Variants in PTCHD4 observed in about 807,000 individuals in gnomAD.
The protein encoded by PTCHD4 is patched domain containing 4, also known as patched domain-containing protein 4.
Under a neutral mutation model 58.1 loss-of-function variants are expected in PTCHD4, and 33 were observed. That is an observed-to-expected ratio of 0.57 (90% CI 0.43 to 0.76). The LOEUF is 0.76. Among genes scored for constraint, PTCHD4 ranks in the 30% least tolerant of loss-of-function variants. PTCHD4 has a pLI of 0.00. For synonymous variants in PTCHD4, 478 were observed against 409.6 expected (o/e 1.17, Z -2.02); for missense variants, 1,058 against 1,027.1 (o/e 1.03, Z -0.41).
chr6:48,025,908 T>C (rs546159533), intron 3 of PTCHD4, among the ~76,000 whole-genome samples: 1 of 152,100 alleles, frequency 6.6e-6, no homozygotes, highest in South Asian at 2.1e-4. Flanking sequence ...GGCTACTCAA[T>C]TGGAAAAATA....
At chr6:47,999,261 A>G (rs1195503628) in intron 4 of PTCHD4, among the ~76,000 whole-genome samples, 3 of 152,218 alleles carry the variant, frequency 2.0e-5, no homozygotes, top group African/African-American at 7.2e-5. Flanking sequence ...CTGGACTCCA[A>G]GTCGTCTGAC....
chr6:48,001,572 G>C (rs915723201), intron 4 of PTCHD4, among the ~76,000 whole-genome samples: 6 of 152,098 alleles, frequency 3.9e-5, no homozygotes, highest in South Asian at 4.1e-4. Flanking sequence ...AAAGCTGAAA[G>C]TGGATCCCTT....
chr6:47,946,054 A>G (rs1201907196), intron 4 of PTCHD4, among the ~76,000 whole-genome samples: 1 of 152,056 alleles, frequency 6.6e-6, no homozygotes, highest in Non-Finnish European at 1.5e-5. Flanking sequence ...TAACAATAGC[A>G]TTGATGTTAG....
chr6:48,004,584 T>C (rs1246505584), intron 4 of PTCHD4, among the ~76,000 whole-genome samples: 2 of 152,190 alleles, frequency 1.3e-5, no homozygotes, highest in Admixed American at 6.6e-5. Context: ...AGAGAAAGGA[T>C]GTTAGGCTAG....
chr6:47,972,228 A>C (rs2113990286), intron 4 of PTCHD4, among the ~76,000 whole-genome samples: 1 of 152,310 alleles, frequency 6.6e-6, no homozygotes, highest in East Asian at 1.9e-4. Flanking sequence ...ATCACAAAAC[A>C]GCAGAATAAT....
intron 1 of PTCHD4, among the ~76,000 whole-genome samples, chr6:48,070,907 A>C (rs1026497922): frequency 6.6e-6 from 1 of 152,236 alleles, no homozygotes; most frequent in African/African-American, 2.4e-5. Context: ...TATTACATTA[A>C]ATATACTTGG....
chr6:48,003,909 T>C (rs1304447631), intron 4 of PTCHD4, among the ~76,000 whole-genome samples: 1 of 152,220 alleles, frequency 6.6e-6, no homozygotes, highest in Non-Finnish European at 1.5e-5. Context: ...TCATCTCAGG[T>C]GCTTCGTTTA....
intron 3 of PTCHD4, among the ~76,000 whole-genome samples, chr6:48,057,755 A>G (rs1036851136): frequency 5.3e-5 from 8 of 152,244 alleles, no homozygotes; most frequent in Non-Finnish European, 2.9e-5. Flanking sequence ...AACTGAAACT[A>G]CAAGGGAACT....
rs1330716242 is a variant in PTCHD4 at position 48,068,520 on chromosome 6, G to A, written c.127C>T (p.Leu43Phe). 5 of 1,612,392 alleles carry A rather than the reference G, an allele frequency of 3.1e-6. No individual in the cohort carries two copies. The highest frequency in any genetic ancestry group is 4.2e-6 in the Non-Finnish European group (5 of 1,179,770). The change falls in exon 3 of 5, where the codon CTC becomes TTC. Residue 43 changes from leucine to phenylalanine, a missense_variant. Leu to Phe is a conservative substitution (Grantham distance 22, BLOSUM62 0). Coordinates refer to ENST00000339488, the MANE Select transcript of PTCHD4 (RefSeq NM_001384253.1). The surrounding 1 kb of genome is among the most constrained non-coding windows in gnomAD (Gnocchi z 4.2). ...ATTGTCAGGACTGCGGGCACGGTGAGGAAAAAGACCGGGTGCCGGCTCACG... is the reference window on the plus strand; with the variant it reads ...ATTGTCAGGACTGCGGGCACGGTGAAGAAAAAGACCGGGTGCCGGCTCACG... ...LCVSRHPVFF[L>F]TVPAVLTITF... is the part of the protein sequence containing the mutation.
chr6:48,019,686 A>T (rs948859659), intron 3 of PTCHD4, among the ~76,000 whole-genome samples: 5 of 151,742 alleles, frequency 3.3e-5, no homozygotes, highest in African/African-American at 4.8e-5. Context: ...CACTGAGCTG[A>T]GATGGCACCA....
chr6:47,917,585 A>T (rs1765300801), intron 4 of PTCHD4, among the ~76,000 whole-genome samples: 1 of 152,164 alleles, frequency 6.6e-6, no homozygotes, highest in African/African-American at 2.4e-5. Flanking sequence ...AAAACACTTG[A>T]TTCTACTATG....
At chr6:48,086,910 A>G (rs1019382250) in intron 1 of PTCHD4, among the ~76,000 whole-genome samples, 4 of 152,150 alleles carry the variant, frequency 2.6e-5, no homozygotes, top group Non-Finnish European at 5.9e-5. Flanking sequence ...AAATGGGTGA[A>G]TAAGAATCTT....
intron 3 of PTCHD4, among the ~76,000 whole-genome samples, chr6:48,035,999 A>T (rs1280716696): frequency 6.6e-6 from 1 of 151,984 alleles, no homozygotes; most frequent in African/African-American, 2.4e-5. Flanking sequence ...CCTGCCTTAC[A>T]TTCTTTAATG....
chr6:47,994,751 G>A lies in PTCHD4; in HGVS notation c.898+13883C>T, dbSNP rs375237007. ...TTCCTTGGAGGGACTTCTCTGCCTT[G>A]GCTGAAATGCTACGGAAACACAGCA... On this transcript the variant is annotated intron_variant, in intron 4 of 4. Transcript: ENST00000339488. 1.1e-3 allele frequency among the ~76,000 whole-genome samples: 170 copies of A among 152,264 alleles called. 1 individual carries two copies. The South Asian group carries it at 0.033, about 30-fold the overall frequency.
intron 3 of PTCHD4, among the ~76,000 whole-genome samples, chr6:48,035,687 C>G (rs1024646162): frequency 6.6e-6 from 1 of 152,094 alleles, no homozygotes; most frequent in Non-Finnish European, 1.5e-5. Context: ...ATCCTTTATT[C>G]TCAGTATCTG....
rs142961548 is a variant in PTCHD4 at position 47,864,315 on chromosome 6, T to TATACAC, written c.*13987_*13988insGTGTAT. On this transcript the variant is annotated 3_prime_UTR_variant, in exon 5 of 5. Transcript: ENST00000339488. ...GCCCATTATTTTTGAGATATATATATACACACACACACACATATATATATA... is the reference window on the plus strand; with the variant it reads ...GCCCATTATTTTTGAGATATATATATATACACACACACACACACACATATATATATA... Among the ~76,000 whole-genome samples the TATACAC allele has an allele frequency of 8.6e-4, 128 of 148,816 alleles. No homozygotes were observed. The highest frequency in any genetic ancestry group is 2.6e-3 in the African/African-American group (106 of 40,734).
At chr6:47,912,443 C>T (rs1000662187) in intron 4 of PTCHD4, among the ~76,000 whole-genome samples, 15 of 152,134 alleles carry the variant, frequency 9.9e-5, no homozygotes, top group African/African-American at 3.4e-4. Context: ...CATTACAAGA[C>T]TTTTGGTATC....
intron 4 of PTCHD4, among the ~76,000 whole-genome samples, chr6:47,997,427 C>T (rs556551911): frequency 1.3e-5 from 2 of 152,114 alleles, no homozygotes; most frequent in South Asian, 4.1e-4. Context: ...TACTAATATA[C>T]TATCTTACTT....
intron 4 of PTCHD4, among the ~76,000 whole-genome samples, chr6:47,950,486 G>A (rs1278120720): frequency 5.3e-5 from 8 of 152,144 alleles, no homozygotes; most frequent in Admixed American, 5.2e-4. Flanking sequence ...GGATGAGAAA[G>A]ATGAGGATAA....
Sources: allele counts gnomAD v4.1 joint callset (sites outside exome capture counted in the v4.1 genomes callset), GRCh38; gene constraint gnomAD v4.1.1; non-coding constraint Gnocchi (gnomAD v3.1); transcripts MANE v1.5; gene names NCBI Gene and HGNC (gene_info 2026-07-23, HGNC 2026-07-21).